The following AUTS2 variants were observed in gnomAD, a reference collection of about 807,000 sequenced individuals.
The protein encoded by AUTS2 is activator of transcription and developmental regulator AUTS2, also known as autism susceptibility gene 2 protein.
In AUTS2, 17 loss-of-function variants were observed where a neutral mutation model predicts 112.4. The observed-to-expected ratio is 0.15, with a 90% CI of 0.10 to 0.23. The LOEUF (loss-of-function observed/expected upper bound fraction) is 0.23. Among genes scored for constraint, AUTS2 ranks in the 10% least tolerant of loss-of-function variants. The pLI is 1.00. For missense variants in AUTS2, 1,510 were observed against 1,701.6 expected (o/e 0.89, Z 1.98); for synonymous variants, 751 against 702.7 (o/e 1.07, Z -1.09).
intron 1 of AUTS2, among the ~76,000 whole-genome samples, chr7:69,879,402 A>G (rs1793944803): frequency 6.6e-6 from 1 of 151,036 alleles, no homozygotes; most frequent in Non-Finnish European, 1.5e-5. Flanking sequence ...CACTCACCTC[A>G]GCCTCCCAAA....
At chr7:70,579,853 G>A (rs535146807) in intron 5 of AUTS2, among the ~76,000 whole-genome samples, 4 of 152,254 alleles carry the variant, frequency 2.6e-5, no homozygotes, top group South Asian at 2.1e-4. Flanking sequence ...GCAGGAAGTC[G>A]GGGAGAATCT....
Position 70,764,813 on chromosome 7 carries a change from C to A in AUTS2, c.1276C>A (p.Pro426Thr). The A allele has an allele frequency of 1.9e-6, 2 of 1,031,836 alleles. No homozygotes were observed. The highest frequency in any genetic ancestry group is 3.0e-6 in the Non-Finnish European group (2 of 672,804). 63.9% of individuals were successfully genotyped at this position (1,031,836 alleles called of 1,614,324 possible). ...QPAPPHISHHPSASPFPLSLP... is the reference protein window; with the variant it reads ...QPAPPHISHHTSASPFPLSLP... ...CGCCCCACCTCACATCTCCCACCAC[C>A]CCTCTGCCTCCCCGTTCCCCCTCTC... is the stretch of plus-strand genomic sequence containing the variant. Residue 426 changes from proline to threonine, a missense_variant, in exon 8 of 19, where the codon CCC becomes ACC. This residue lies in a region of AUTS2 where 535 missense variants were observed against 594.3 expected (regional missense o/e 0.90). Coordinates refer to ENST00000342771, the MANE Select transcript of AUTS2 (RefSeq NM_015570.4).
chr7:69,690,088 T>A (rs941424201), intron 1 of AUTS2, among the ~76,000 whole-genome samples: 1 of 152,340 alleles, frequency 6.6e-6, no homozygotes, highest in South Asian at 2.1e-4. Flanking sequence ...GAGATATTTT[T>A]AAAATTTTAC....
intron 4 of AUTS2, among the ~76,000 whole-genome samples, chr7:70,392,970 C>T (rs912133635): frequency 6.6e-6 from 1 of 152,256 alleles, no homozygotes; most frequent in Non-Finnish European, 1.5e-5. Flanking sequence ...CCCCCAAGGA[C>T]ATGCATCCTC....
At chr7:70,134,702 A>G (rs1484332402) in intron 4 of AUTS2, 131 bp downstream of exon 4, 2 of 858,906 alleles carry the variant, frequency 2.3e-6, no homozygotes, top group Non-Finnish European at 3.8e-6. Context: ...ACTGATTTCC[A>G]TTCTTTATTA....
At chr7:70,508,640 CAG>C (rs1799064922) in intron 5 of AUTS2, among the ~76,000 whole-genome samples, 1 of 152,146 alleles carries the variant, frequency 6.6e-6, no homozygotes, top group Non-Finnish European at 1.5e-5. Context: ...TCATTCAGAA[CAG>C]AGTGTGTGCG....
chr7:69,614,318 T>TTCTTTCTTTCTTTCTTTCTTTCTTTCTC (rs1793209372), intron 1 of AUTS2, among the ~76,000 whole-genome samples: 1 of 50,976 alleles, frequency 2.0e-5, no homozygotes, highest in African/African-American at 6.3e-5. Flanking sequence ...CTCCGTCTCT[T>TTCTTTCTTTCTTTCTTTCTTTCTTTCTC]TCTTTCTTTC....
intron 2 of AUTS2, among the ~76,000 whole-genome samples, chr7:69,956,777 T>C (rs1385918157): frequency 1.3e-5 from 2 of 152,148 alleles, no homozygotes; most frequent in Admixed American, 1.3e-4. Flanking sequence ...CAGCCTTTCG[T>C]TGTGTGATGT....
intron 4 of AUTS2, among the ~76,000 whole-genome samples, chr7:70,362,475 G>A: frequency 6.6e-6 from 1 of 152,072 alleles, no homozygotes; most frequent in East Asian, 1.9e-4. Context: ...GTTTTCAAAT[G>A]TTTCTTCCCC....
At chr7:69,707,691 C>T (rs753039043) in intron 1 of AUTS2, among the ~76,000 whole-genome samples, 1 of 152,264 alleles carries the variant, frequency 6.6e-6, no homozygotes. Flanking sequence ...CCTATCCTTG[C>T]GGGATTAACA....
chr7:70,394,760 A>G (rs753250985), intron 4 of AUTS2, among the ~76,000 whole-genome samples: 4 of 151,658 alleles, frequency 2.6e-5, no homozygotes, highest in Non-Finnish European at 5.9e-5. Flanking sequence ...ACTATTCTAG[A>G]ACCATAGTGT....
intron 1 of AUTS2, among the ~76,000 whole-genome samples, chr7:69,837,452 T>C (rs1791776400): frequency 6.6e-6 from 1 of 152,154 alleles, no homozygotes; most frequent in African/African-American, 2.4e-5. Context: ...CTCTTTATGC[T>C]ACTCAGGGGG....
intron 2 of AUTS2, among the ~76,000 whole-genome samples, chr7:69,997,651 A>T (rs1392217562): frequency 3.9e-5 from 6 of 152,156 alleles, no homozygotes; most frequent in African/African-American, 1.4e-4. Flanking sequence ...AAGGAGCAAG[A>T]GAGATGCCAG....
At chr7:70,688,446 C>A (rs1808578078) in intron 5 of AUTS2, among the ~76,000 whole-genome samples, 1 of 152,112 alleles carries the variant, frequency 6.6e-6, no homozygotes, top group South Asian at 2.1e-4. Context: ...GTGGCATGGA[C>A]AAAGACAAGC....
At chr7:69,670,853 C>T (rs914003959) in intron 1 of AUTS2, among the ~76,000 whole-genome samples, 3 of 151,904 alleles carry the variant, frequency 2.0e-5, no homozygotes, top group Non-Finnish European at 2.9e-5. Context: ...GGTGACTGAT[C>T]GAGACCCTGT....
At chr7:69,812,286 G>A in intron 1 of AUTS2, among the ~76,000 whole-genome samples, 1 of 152,198 alleles carries the variant, frequency 6.6e-6, no homozygotes, top group Middle Eastern at 3.4e-3. Flanking sequence ...AGAAAAAAAA[G>A]ACACCAGCAA....
intron 1 of AUTS2, among the ~76,000 whole-genome samples, chr7:69,633,309 A>C (rs1794356860): frequency 6.6e-6 from 1 of 151,852 alleles, no homozygotes; most frequent in Non-Finnish European, 1.5e-5. Flanking sequence ...ACACACACAC[A>C]CCCACCCACA....
At chr7:69,835,072 G>T (rs1791662736) in intron 1 of AUTS2, among the ~76,000 whole-genome samples, 1 of 151,736 alleles carries the variant, frequency 6.6e-6, no homozygotes, top group Non-Finnish European at 1.5e-5. Context: ...TTGAGAATTA[G>T]CGAAACATCG....
At chr7:70,145,740 A>C (rs7807263) in intron 4 of AUTS2, among the ~76,000 whole-genome samples, 33,241 of 152,006 alleles carry the variant, frequency 0.22, 3,619 homozygotes, top group Middle Eastern at 0.34. Flanking sequence ...AGAGCCATCA[A>C]ATTTGTAAAG....
Sources: gnomAD v4.1 joint callset for allele counts (sites outside exome capture counted in the v4.1 genomes callset) on GRCh38, gnomAD v4.1.1 for gene constraint, gnomAD v4.1.1 regional missense constraint, MANE v1.5 for transcripts, NCBI Gene and HGNC (gene_info 2026-07-23, HGNC 2026-07-21) for gene names.